B3GAT2: variants seen among roughly 807,000 people sequenced by gnomAD.
B3GAT2 encodes galactosylgalactosylxylosylprotein 3-beta-glucuronosyltransferase 2.
In B3GAT2, 26 loss-of-function variants were observed where a neutral mutation model predicts 27.8. The observed-to-expected ratio is 0.93, with a 90% CI of 0.68 to 1.30. The LOEUF (loss-of-function observed/expected upper bound fraction) is 1.30, where lower values mean the gene tolerates loss of function less well. B3GAT2 is among the 50% of genes most tolerant of loss of function. B3GAT2 has a pLI of 0.00. For missense variants in B3GAT2, 458 were observed against 459.0 expected (o/e 1.00, Z 0.02); for synonymous variants, 218 against 195.1 (o/e 1.12, Z -0.98).
chr6:70,897,670 AATAT>A (rs3034203), intron 1 of B3GAT2, among the ~76,000 whole-genome samples: 36,040 of 92,108 alleles, frequency 0.39, 5,166 homozygotes, highest in East Asian at 0.45. Flanking sequence ...AAAAAAAAAA[AATAT>A]ATATATATAT....
chr6:70,946,809 A>T (rs1765492597), intron 1 of B3GAT2, among the ~76,000 whole-genome samples: 1 of 151,354 alleles, frequency 6.6e-6, no homozygotes, highest in South Asian at 2.1e-4. Flanking sequence ...CACCTATTCC[A>T]AAATTGACCA....
chr6:70,923,922 G>A (rs888694947), intron 1 of B3GAT2, among the ~76,000 whole-genome samples: 2 of 151,982 alleles, frequency 1.3e-5, no homozygotes, highest in Non-Finnish European at 2.9e-5. Flanking sequence ...TCTCAGTCCT[G>A]GATTTTTTAG....
intron 1 of B3GAT2, among the ~76,000 whole-genome samples, chr6:70,941,393 T>C (rs773709961): frequency 6.6e-6 from 1 of 152,138 alleles, no homozygotes; most frequent in Non-Finnish European, 1.5e-5. Context: ...GCCAATGTAA[T>C]GCAAACACTA....
At chr6:70,929,975 T>C (rs1055458387) in intron 1 of B3GAT2, among the ~76,000 whole-genome samples, 9 of 152,220 alleles carry the variant, frequency 5.9e-5, no homozygotes, top group African/African-American at 2.2e-4. Context: ...AATAGCATGG[T>C]ACTGATACTA....
chr6:70,935,745 G>A (rs2150047370), intron 1 of B3GAT2, among the ~76,000 whole-genome samples: 1 of 152,238 alleles, frequency 6.6e-6, no homozygotes, highest in East Asian at 1.9e-4. Flanking sequence ...AAGAGCTCCT[G>A]AAGGAAGCAC....
At chr6:70,919,181 T>A (rs532283371) in intron 1 of B3GAT2, among the ~76,000 whole-genome samples, 2 of 152,242 alleles carry the variant, frequency 1.3e-5, no homozygotes, top group Non-Finnish European at 2.9e-5. Flanking sequence ...TTTCGCTTGA[T>A]TGAATCAGCT....
intron 2 of B3GAT2, among the ~76,000 whole-genome samples, chr6:70,875,759 T>A (rs1446328553): frequency 1.3e-5 from 2 of 152,228 alleles, no homozygotes; most frequent in African/African-American, 4.8e-5. Flanking sequence ...AGTCTAATTT[T>A]AAAAATTCCT....
Position 70,859,129 on chromosome 6 carries a change from C to A in B3GAT2, c.*2534G>T. On this transcript the variant is annotated 3_prime_UTR_variant, in exon 4 of 4. Coordinates refer to ENST00000230053, the MANE Select transcript of B3GAT2 (RefSeq NM_080742.3). Reference sequence around the variant, plus strand: ...AGTCTAGAGTGATTTCTAACATTAGCACAATCACTATATATCACAGTTAAT... The same window carrying A: ...AGTCTAGAGTGATTTCTAACATTAGAACAATCACTATATATCACAGTTAAT... The A allele has an allele frequency of 2.2e-6, 1 of 459,468 alleles. No individual in the cohort carries two copies. The highest frequency in any genetic ancestry group is 3.9e-6 in the Non-Finnish European group (1 of 258,196). The allele number at this position is 459,468 out of a possible 1,614,324, so 28.5% of individuals were successfully genotyped here. A position where few individuals can be genotyped will look rare whatever the true frequency, so the allele number is the denominator to read the frequency against.
rs953442488 is a variant in B3GAT2, at chr6:70,937,729, A to C, written c.591+18110T>G. On this transcript the variant is annotated intron_variant, in intron 1 of 3. Transcript: ENST00000230053. ...GCTTCATGCTAAAAACTCTCAATAAATTAGGTATTGATGGGACGTATCTCA... is the reference window on the plus strand; with the variant it reads ...GCTTCATGCTAAAAACTCTCAATAACTTAGGTATTGATGGGACGTATCTCA... Among the ~76,000 whole-genome samples, 3 of 152,046 alleles carry C rather than the reference A, an allele frequency of 2.0e-5. No homozygotes were observed. The South Asian group carries it at 6.2e-4, about 32-fold the overall frequency.
chr6:70,938,016 C>A, intron 1 of B3GAT2, among the ~76,000 whole-genome samples: 1 of 151,088 alleles, frequency 6.6e-6, no homozygotes, highest in Admixed American at 6.6e-5. Flanking sequence ...ATTGTCTCAG[C>A]CAAAAATCTC....
intron 1 of B3GAT2, among the ~76,000 whole-genome samples, chr6:70,896,748 T>G (rs1267775936): frequency 6.6e-6 from 1 of 152,216 alleles, no homozygotes; most frequent in African/African-American, 2.4e-5. Flanking sequence ...AGTTCCCTCC[T>G]TTATTTTACT....
At chr6:70,944,027 T>C (rs1197839882) in intron 1 of B3GAT2, among the ~76,000 whole-genome samples, 1 of 152,340 alleles carries the variant, frequency 6.6e-6, no homozygotes, top group Admixed American at 6.5e-5. Flanking sequence ...AATTCCACAA[T>C]GTATCCCTAT....
intron 2 of B3GAT2, among the ~76,000 whole-genome samples, chr6:70,869,867 T>C (rs992054353): frequency 1.3e-5 from 2 of 152,020 alleles, no homozygotes; most frequent in African/African-American, 2.4e-5. Flanking sequence ...GTTAGAATGG[T>C]GATCATTAAA....
At chr6:70,900,587 G>C (rs1022296348) in intron 1 of B3GAT2, among the ~76,000 whole-genome samples, 1 of 152,142 alleles carries the variant, frequency 6.6e-6, no homozygotes, top group South Asian at 2.1e-4. Context: ...GTCTCACTAT[G>C]TTGCCCTGGC....
chr6:70,864,493 G>A (rs1771817736), intron 2 of B3GAT2, among the ~76,000 whole-genome samples: 1 of 152,194 alleles, frequency 6.6e-6, no homozygotes, highest in South Asian at 2.1e-4. Flanking sequence ...GCACCCTGGA[G>A]ACATGTTAGC....
chr6:70,934,042 C>T (rs1232451026), intron 1 of B3GAT2, among the ~76,000 whole-genome samples: 2 of 152,154 alleles, frequency 1.3e-5, no homozygotes, highest in Non-Finnish European at 2.9e-5. Context: ...AAGGGTGGGA[C>T]CCAGAACGCA....
At chr6:70,875,513 C>T (rs972772837) in intron 2 of B3GAT2, among the ~76,000 whole-genome samples, 48 of 152,314 alleles carry the variant, frequency 3.2e-4, no homozygotes, top group Admixed American at 5.9e-4. Context: ...ACTGAATGCT[C>T]ATATGTCATG....
chr6:70,883,612 T>C (rs968641747), intron 2 of B3GAT2, among the ~76,000 whole-genome samples: 1 of 152,070 alleles, frequency 6.6e-6, no homozygotes, highest in Admixed American at 6.5e-5. Flanking sequence ...AGAATTTTGG[T>C]TCAGTGATGG....
Position 70,861,810 on chromosome 6 carries a change from A to ACAT in B3GAT2, c.885+19_885+20insATG, listed in dbSNP as rs1771746058. 1.2e-6 allele frequency: 2 copies of ACAT among 1,613,964 alleles called. No homozygotes were observed. On this transcript the variant is annotated intron_variant, in intron 3 of 3. Coordinates refer to ENST00000230053, the MANE Select transcript of B3GAT2 (RefSeq NM_080742.3). Reference sequence around the variant, plus strand: ...TTCATGGTGACACTCGAGGTCGGGCAGCACAAGTGTAATGAATACCTTAGT... The same window carrying ACAT: ...TTCATGGTGACACTCGAGGTCGGGCACATGCACAAGTGTAATGAATACCTTAGT...
Sources: allele counts gnomAD v4.1 joint callset (sites outside exome capture counted in the v4.1 genomes callset), GRCh38; gene constraint gnomAD v4.1.1; transcripts MANE v1.5; gene names NCBI Gene and HGNC (gene_info 2026-07-23, HGNC 2026-07-21).